Variants in PLEKHM3 observed in about 807,000 individuals in gnomAD.
The protein encoded by PLEKHM3 is pleckstrin homology domain containing M3, also known as pleckstrin homology domain-containing family M member 3.
A neutral mutation model predicts 81.8 loss-of-function variants in PLEKHM3; 45 were observed. That is an observed-to-expected ratio of 0.55 (90% CI 0.43 to 0.71). PLEKHM3 has a LOEUF of 0.71. Among genes scored for constraint, PLEKHM3 ranks in the 30% least tolerant of loss-of-function variants. The pLI is 0.00. For synonymous variants in PLEKHM3, 352 were observed against 356.4 expected, an observed-to-expected ratio of 0.99 and a Z score of 0.14; for missense variants, 788 against 924.3, an observed-to-expected ratio of 0.85 and a Z score of 1.91.
At chr2:207,840,808 T>A (rs1388434944) in intron 7 of PLEKHM3, among the ~76,000 whole-genome samples, 11 of 144,090 alleles carry the variant, frequency 7.6e-5, no homozygotes, top group East Asian at 2.0e-4. Context: ...TGTTTTTTTT[T>A]TTTTTTTTTT....
chr2:208,021,947 G>A (rs1693145048), intron 1 of PLEKHM3, among the ~76,000 whole-genome samples: 1 of 152,078 alleles, frequency 6.6e-6, no homozygotes, highest in Admixed American at 6.5e-5. Flanking sequence ...CCATTTTGGG[G>A]CATTTAGGTT....
rs1361975445 is a variant in PLEKHM3, at chr2:207,826,701, G to C, written c.*1618C>G. 2 of 152,184 alleles carry C rather than the reference G, an allele frequency of 1.3e-5. No individual in the cohort carries two copies. The highest frequency in any genetic ancestry group is 1.9e-4 in the East Asian group (1 of 5,200). 9.4% of individuals were successfully genotyped at this position (152,184 alleles called of 1,614,324 possible). A position where few individuals can be genotyped will look rare whatever the true frequency, so the allele number is the denominator to read the frequency against. On this transcript the variant is annotated 3_prime_UTR_variant, in exon 8 of 8. Coordinates refer to ENST00000427836, the MANE Select transcript of PLEKHM3 (RefSeq NM_001080475.3). ...TTGGGGTCTTGGGGAAGCGGCGTGT[G>C]GGGGAAAGGAGCAATGGGGTTGAAT...
rs2092257076 is a variant in PLEKHM3, at chr2:207,827,381, C to T, written c.*938G>A. ...CTTTGGGAATATACTTACTAGATAG[C>T]CTTATCTACCAGTCTACACGACGAT... On this transcript the variant is annotated 3_prime_UTR_variant, in exon 8 of 8. Transcript: ENST00000427836. 6.6e-6 allele frequency: 1 copy of T among 151,898 alleles called. No individual in the cohort carries two copies. Among genetic ancestry groups the T allele is most frequent in the African/African-American group, 2.4e-5 (1 of 41,348 alleles). The allele number at this position is 151,898 out of a possible 1,614,324, so 9.4% of individuals were successfully genotyped here. A position where few individuals can be genotyped will look rare whatever the true frequency, so the allele number is the denominator to read the frequency against.
intron 1 of PLEKHM3, among the ~76,000 whole-genome samples, chr2:208,009,136 T>A (rs188589809): frequency 2.6e-4 from 39 of 152,346 alleles, no homozygotes; most frequent in Non-Finnish European, 1.2e-4. Context: ...GTTCAACTCT[T>A]TAACCTGACA....
At chr2:207,913,083 A>C (rs1034142145) in intron 5 of PLEKHM3, among the ~76,000 whole-genome samples, 2 of 152,098 alleles carry the variant, frequency 1.3e-5, no homozygotes, top group Non-Finnish European at 2.9e-5. Context: ...CCCAGGAGCC[A>C]GTTTGCCTTA....
At chr2:207,923,822 T>C (rs1024359644) in intron 5 of PLEKHM3, among the ~76,000 whole-genome samples, 21 of 141,712 alleles carry the variant, frequency 1.5e-4, no homozygotes, top group African/African-American at 5.0e-4. Context: ...CACATGGATA[T>C]ATATACATAC....
chr2:207,901,785 C>A (rs1016472806), intron 6 of PLEKHM3, among the ~76,000 whole-genome samples: 1 of 152,220 alleles, frequency 6.6e-6, no homozygotes, highest in African/African-American at 2.4e-5. Context: ...GTCCTCTTTC[C>A]TAGCTCATTA....
chr2:208,021,957 T>C (rs11891759), intron 1 of PLEKHM3, among the ~76,000 whole-genome samples: 5,603 of 152,308 alleles, frequency 0.037, 336 homozygotes, highest in African/African-American at 0.13. Context: ...GCATTTAGGT[T>C]ATTACATATG....
intron 7 of PLEKHM3, among the ~76,000 whole-genome samples, chr2:207,859,450 T>C (rs1304264066): frequency 6.6e-6 from 1 of 152,044 alleles, no homozygotes; most frequent in Non-Finnish European, 1.5e-5. Flanking sequence ...TTTTTTTCTT[T>C]TTATAGCTGA....
At chr2:207,899,095 G>A (rs1171205507) in intron 6 of PLEKHM3, among the ~76,000 whole-genome samples, 7 of 152,082 alleles carry the variant, frequency 4.6e-5, no homozygotes, top group Admixed American at 2.6e-4. Context: ...GGAGGGAATC[G>A]CAGGCCACTA....
At chr2:207,990,203 C>G (rs1479348259) in intron 2 of PLEKHM3, among the ~76,000 whole-genome samples, 1 of 152,190 alleles carries the variant, frequency 6.6e-6, no homozygotes, top group Admixed American at 6.5e-5. Context: ...AATCTTGAGT[C>G]TCAAGACATG....
chr2:207,969,689 A>C (rs1691044227), intron 3 of PLEKHM3, among the ~76,000 whole-genome samples: 1 of 152,198 alleles, frequency 6.6e-6, no homozygotes, highest in African/African-American at 2.4e-5. Context: ...ATCTGCCTAG[A>C]ATCCTTTGGT....
intron 3 of PLEKHM3, among the ~76,000 whole-genome samples, chr2:207,962,548 G>A (rs191518197): frequency 1.2e-4 from 18 of 152,318 alleles, no homozygotes; most frequent in African/African-American, 3.4e-4. Flanking sequence ...AACCTGAGGC[G>A]GGGTAGGAAC....
In PLEKHM3 at chr2:207,982,464, C is replaced by T. The variant is rs1388038506; in HGVS notation, c.611-4878G>A. ...TTTTAATTTTTTATAGAGACAGAGT[C>T]TTGCTATGTTGCCCAGGCTGGTCTC... On this transcript the variant is annotated intron_variant, in intron 2 of 7. Coordinates refer to ENST00000427836, the MANE Select transcript of PLEKHM3 (RefSeq NM_001080475.3). 2.6e-5 allele frequency among the ~76,000 whole-genome samples: 4 copies of T among 151,912 alleles called. No individual in the cohort carries two copies. In the East Asian group the frequency reaches 7.7e-4, roughly 29 times the overall value.
intron 5 of PLEKHM3, among the ~76,000 whole-genome samples, chr2:207,925,360 T>A (rs1689357905): frequency 6.6e-6 from 1 of 152,172 alleles, no homozygotes; most frequent in Non-Finnish European, 1.5e-5. Context: ...CCCAGGCTCT[T>A]GGATGCCTCC....
chr2:208,011,623 G>T (rs376960798), intron 1 of PLEKHM3, among the ~76,000 whole-genome samples: 69 of 152,006 alleles, frequency 4.5e-4, no homozygotes, highest in African/African-American at 1.5e-3. Flanking sequence ...AGGGTGGGGA[G>T]GGGGTGAGGA....
intron 3 of PLEKHM3, among the ~76,000 whole-genome samples, chr2:207,970,039 T>C (rs1288024914): frequency 6.6e-6 from 1 of 152,168 alleles, no homozygotes; most frequent in Non-Finnish European, 1.5e-5. Flanking sequence ...CTCATACTGC[T>C]GTTCAGGCTT....
At chr2:207,944,859 A>G (rs1215745188) in intron 4 of PLEKHM3, among the ~76,000 whole-genome samples, 1 of 152,192 alleles carries the variant, frequency 6.6e-6, no homozygotes, top group Admixed American at 6.5e-5. Flanking sequence ...CATAGAAAAC[A>G]TACGGTTATT....
chr2:207,977,469 T>C lies in PLEKHM3; in HGVS notation c.728A>G (p.Tyr243Cys). The change falls in exon 3 of 8, where the codon TAC becomes TGC. Residue 243 changes from tyrosine (Y) to cysteine (C), a missense_variant. By Grantham distance (194) the Tyr-to-Cys change is radical. Transcript: ENST00000427836. ...TTGATTCCCACTGCTGTCGAGGCTG[T>C]AGAAGTATAAGTTGTAAGGTGAAAG... ...AELSPYNLYF[Y>C]SLDSSGNQNL... 1 of 1,614,202 alleles carries C rather than the reference T, an allele frequency of 6.2e-7. No individual in the cohort carries two copies. Among genetic ancestry groups the C allele is most frequent in the Non-Finnish European group, 8.5e-7 (1 of 1,180,028 alleles).
Sources: allele counts gnomAD v4.1 joint callset (sites outside exome capture counted in the v4.1 genomes callset), GRCh38; gene constraint gnomAD v4.1.1; transcripts MANE v1.5; gene names NCBI Gene and HGNC (gene_info 2026-07-23, HGNC 2026-07-21).